NDST3: variants seen among roughly 807,000 people sequenced by gnomAD.
NDST3 encodes the protein N-deacetylase and N-sulfotransferase 3.
A neutral mutation model predicts 96.1 loss-of-function variants in NDST3; 58 were observed. The observed-to-expected ratio is 0.60, with a 90% CI of 0.49 to 0.75. The LOEUF (loss-of-function observed/expected upper bound fraction) is 0.75. Ranked by LOEUF, NDST3 falls within the 30% of genes least tolerant of loss-of-function variation. The pLI is 0.00. For synonymous variants in NDST3, 333 were observed against 359.7 expected (o/e 0.93, Z 0.84); for missense variants, 788 against 1,034.2 (o/e 0.76, Z 3.27).
chr4:118,064,823 A>G (rs1485381662), intron 2 of NDST3, among the ~76,000 whole-genome samples: 1 of 152,168 alleles, frequency 6.6e-6, no homozygotes, highest in African/African-American at 2.4e-5. Context: ...AGATGTCCAC[A>G]GGGCTGTGTT....
At chr4:118,212,057 C>T (rs1383181857) in intron 6 of NDST3, among the ~76,000 whole-genome samples, 3 of 152,034 alleles carry the variant, frequency 2.0e-5, no homozygotes, top group Admixed American at 1.3e-4. Context: ...CCCCTTAGGA[C>T]AGGTAGGGTT....
At chr4:118,043,586 C>A (rs1335861933) in intron 1 of NDST3, among the ~76,000 whole-genome samples, 1 of 152,236 alleles carries the variant, frequency 6.6e-6, no homozygotes, top group Non-Finnish European at 1.5e-5. Context: ...ATTCATCCAT[C>A]TGCATGATGC....
At chr4:118,219,870 T>C (rs1739422771) in intron 6 of NDST3, among the ~76,000 whole-genome samples, 1 of 152,064 alleles carries the variant, frequency 6.6e-6, no homozygotes, top group African/African-American at 2.4e-5. Flanking sequence ...CAGACACTTC[T>C]CAAAAGAAAA....
intron 6 of NDST3, among the ~76,000 whole-genome samples, chr4:118,150,858 AC>A (rs1283005722): frequency 6.6e-6 from 1 of 152,108 alleles, no homozygotes; most frequent in Non-Finnish European, 1.5e-5. Context: ...AAGTAGAAAT[AC>A]CATTTGACCC....
At chr4:118,123,436 C>T (rs2125877198) in intron 4 of NDST3, among the ~76,000 whole-genome samples, 1 of 152,270 alleles carries the variant, frequency 6.6e-6, no homozygotes, top group Non-Finnish European at 1.5e-5. Context: ...TCCACATAAA[C>T]TTCAAACTCT....
At chr4:118,109,457 C>T (rs1037436995) in intron 3 of NDST3, among the ~76,000 whole-genome samples, 2 of 152,162 alleles carry the variant, frequency 1.3e-5, no homozygotes, top group African/African-American at 4.8e-5. Flanking sequence ...CAATTCATGT[C>T]ATTCCTTCTC....
chr4:118,157,960 T>G (rs143310405), intron 6 of NDST3, among the ~76,000 whole-genome samples: 1 of 152,156 alleles, frequency 6.6e-6, no homozygotes, highest in East Asian at 1.9e-4. Context: ...ATATAAACTT[T>G]ATTAATAAAT....
At chr4:118,253,430 C>T in intron 12 of NDST3, 69 bp from the exon 13 acceptor site, 1 of 965,396 alleles carries the variant, frequency 1.0e-6, no homozygotes, top group South Asian at 1.4e-5. Context: ...ATGTATTGGT[C>T]ACCATATCAT....
At chr4:118,089,754 T>C (rs1728718308) in intron 2 of NDST3, among the ~76,000 whole-genome samples, 1 of 151,996 alleles carries the variant, frequency 6.6e-6, no homozygotes, top group Non-Finnish European at 1.5e-5. Context: ...TATGAAAAAG[T>C]ATTTTATAAA....
intron 6 of NDST3, among the ~76,000 whole-genome samples, chr4:118,198,554 G>A (rs1039523864): frequency 2.1e-4 from 32 of 152,170 alleles, no homozygotes; most frequent in Non-Finnish European, 4.1e-4. Flanking sequence ...TGATTGGTAA[G>A]TCATTTAATC....
intron 6 of NDST3, among the ~76,000 whole-genome samples, chr4:118,182,068 A>G (rs2125952160): frequency 6.6e-6 from 1 of 152,250 alleles, no homozygotes; most frequent in East Asian, 1.9e-4. Context: ...AGATTCAGAC[A>G]ATGCTTTGAG....
At chr4:118,113,030 C>T (rs1446046906) in intron 3 of NDST3, among the ~76,000 whole-genome samples, 5 of 151,942 alleles carry the variant, frequency 3.3e-5, no homozygotes, top group South Asian at 2.1e-4. Context: ...TGCAAGGAAA[C>T]ACAAGAAGAA....
chr4:118,158,341 T>C (rs1734847344), intron 6 of NDST3, among the ~76,000 whole-genome samples: 1 of 152,072 alleles, frequency 6.6e-6, no homozygotes, highest in Non-Finnish European at 1.5e-5. Flanking sequence ...AGGGAAACAG[T>C]CACTCAAAGA....
chr4:118,180,821 T>A (rs1004564028), intron 6 of NDST3, among the ~76,000 whole-genome samples: 4 of 152,052 alleles, frequency 2.6e-5, no homozygotes, highest in African/African-American at 9.7e-5. Context: ...CTCTAATATC[T>A]CCTAAGTGCC....
chr4:118,047,117 T>G (rs1386190336), intron 1 of NDST3, among the ~76,000 whole-genome samples: 1 of 152,212 alleles, frequency 6.6e-6, no homozygotes, highest in Non-Finnish European at 1.5e-5. Context: ...CATCATCTAC[T>G]GGATCCCAGC....
intron 6 of NDST3, among the ~76,000 whole-genome samples, chr4:118,147,044 T>A (rs1243705324): frequency 2.6e-5 from 4 of 152,222 alleles, no homozygotes; most frequent in Admixed American, 2.6e-4. Context: ...GATCAATACT[T>A]CCCATGTAAC....
At chr4:118,051,295 A>G (rs2110441637) in intron 1 of NDST3, among the ~76,000 whole-genome samples, 1 of 152,292 alleles carries the variant, frequency 6.6e-6, no homozygotes, top group Admixed American at 6.5e-5. Context: ...ACATCAAACT[A>G]TAAAAATTTT....
chr4:118,188,957 C>T (rs1203837900), intron 6 of NDST3, among the ~76,000 whole-genome samples: 1 of 152,056 alleles, frequency 6.6e-6, no homozygotes, highest in Admixed American at 6.6e-5. Context: ...AATAACTTCA[C>T]ATAATAACCA....
At chr4:118,110,436 G>A (rs1165168922) in intron 3 of NDST3, among the ~76,000 whole-genome samples, 2 of 152,236 alleles carry the variant, frequency 1.3e-5, no homozygotes, top group Non-Finnish European at 1.5e-5. Context: ...CTCTCCAAAT[G>A]TCAATTCCCT....
Sources: allele counts gnomAD v4.1 joint callset (sites outside exome capture counted in the v4.1 genomes callset), GRCh38; gene constraint gnomAD v4.1.1; transcripts MANE v1.5; gene names NCBI Gene and HGNC (gene_info 2026-07-23, HGNC 2026-07-21).